PALD1: variants seen among roughly 807,000 people sequenced by gnomAD.
PALD1 encodes the protein paladin.
In PALD1, 57 loss-of-function variants were observed where a neutral mutation model predicts 96.0. That is an observed-to-expected ratio of 0.59 (90% CI 0.48 to 0.74). The LOEUF is 0.74. Ranked by LOEUF, PALD1 falls within the 30% of genes least tolerant of loss-of-function variation. PALD1 has a pLI of 0.00. For missense variants in PALD1, 1,063 were observed against 1,143.7 expected (o/e 0.93, Z 1.02); for synonymous variants, 464 against 473.6 (o/e 0.98, Z 0.26).
intron 1 of PALD1, among the ~76,000 whole-genome samples, chr10:70,523,743 G>A (rs765677134): frequency 1.3e-5 from 2 of 152,152 alleles, no homozygotes; most frequent in Non-Finnish European, 2.9e-5. Flanking sequence ...AGTTTTCAAG[G>A]GTGACAGGCG....
At position 70,533,902 on chromosome 10, in the gene PALD1, A is replaced by G; in HGVS notation, c.871-20A>G. 6.4e-7 allele frequency: 1 copy of G among 1,560,354 alleles called. No individual in the cohort carries two copies. Among genetic ancestry groups the G allele is most frequent in the Non-Finnish European group, 8.7e-7 (1 of 1,150,158 alleles). On this transcript the variant is annotated intron_variant, in intron 7 of 19. Coordinates refer to ENST00000263563, the MANE Select transcript of PALD1 (RefSeq NM_014431.3). Reference sequence around the variant, plus strand: ...GGTTTCCTGGTCTCACTGGGGCCTGATCCTCATGGTCTTTCCCAGGAGACC... The same window carrying G: ...GGTTTCCTGGTCTCACTGGGGCCTGGTCCTCATGGTCTTTCCCAGGAGACC...
At position 70,566,962 on chromosome 10, in the gene PALD1, G is replaced by A. The variant is rs1248881328; in HGVS notation, c.*229G>A. ...ACCAAGGTGTGTGGCTGACCTCCAG[G>A]GAGGAGCACTCACTGGAGTGCTCAC... On this transcript the variant is annotated 3_prime_UTR_variant, in exon 20 of 20. Coordinates refer to ENST00000263563, the MANE Select transcript of PALD1 (RefSeq NM_014431.3). The A allele has an allele frequency of 3.8e-6, 2 of 529,388 alleles. No homozygotes were observed. Among genetic ancestry groups the A allele is most frequent in the Non-Finnish European group, 6.7e-6 (2 of 300,502 alleles). 32.8% of individuals were successfully genotyped at this position (529,388 alleles called of 1,614,324 possible). A position where few individuals can be genotyped will look rare whatever the true frequency, so the allele number is the denominator to read the frequency against.
Position 70,529,235 on chromosome 10 carries a change from C to T in PALD1, c.192C>T (p.Asn64=). ...CCCCCCCCCCCCCCCCCAGGTACAA[C>T]TGCAAGGAGGAGTTCCAGATCCATG... The part of the protein sequence containing the change: ...NKVAPVVITY[N]CKEEFQIHDE... Residue 64 remains asparagine, a synonymous_variant, in exon 3 of 20, where the codon AAC becomes AAT. Transcript: ENST00000263563. 1.3e-6 allele frequency: 1 copy of T among 771,026 alleles called. No homozygotes were observed. Among genetic ancestry groups the T allele is most frequent in the Non-Finnish European group, 2.0e-6 (1 of 494,792 alleles). 47.8% of individuals were successfully genotyped at this position (771,026 alleles called of 1,614,324 possible).
At chr10:70,564,287 G>T in intron 18 of PALD1, 77 bp from the exon 19 acceptor site, 4 of 1,464,230 alleles carry the variant, frequency 2.7e-6, no homozygotes, top group Middle Eastern at 2.2e-4. Context: ...CTGGCACTCA[G>T]GGCAGCAGGG....
chr10:70,534,937 CTT>C (rs1847078791), intron 10 of PALD1, 94 bp downstream of exon 10: 1 of 843,890 alleles, frequency 1.2e-6, no homozygotes, highest in South Asian at 1.5e-5. Flanking sequence ...TTCAGACTGA[CTT>C]TTTCTGGCTG....
At chr10:70,458,927 G>C in the PALD1 span, among the ~76,000 whole-genome samples, 1 of 152,208 alleles carries the variant, frequency 6.6e-6, no homozygotes, top group Non-Finnish European at 1.5e-5. Flanking sequence ...CTGGTGCGTG[G>C]GCAGGAGAGT....
Position 70,527,887 on chromosome 10 carries a change from C to G in PALD1, c.186-1342C>G, listed in dbSNP as rs1846902434. 2.0e-5 allele frequency among the ~76,000 whole-genome samples: 3 copies of G among 152,304 alleles called. No homozygotes were observed. The South Asian group carries it at 6.2e-4, about 32-fold the overall frequency. On this transcript the variant is annotated intron_variant, in intron 2 of 19. Transcript: ENST00000263563. ...TGTTGGTGTGCCGCACCCACCAACC[C>G]ACCATCCACGTCAGGCATATCTCCC...
intron 18 of PALD1, among the ~76,000 whole-genome samples, chr10:70,561,692 C>G (rs1847740507): frequency 1.3e-5 from 2 of 152,288 alleles, no homozygotes; most frequent in South Asian, 4.1e-4. Flanking sequence ...GGCTTGGCCT[C>G]CATACCCACT....
the PALD1 span, among the ~76,000 whole-genome samples, chr10:70,470,497 T>G: frequency 5.8e-5 from 5 of 86,808 alleles, no homozygotes; most frequent in East Asian, 1.8e-3. Context: ...GTTGACTGTG[T>G]GTATACAAGC....
intron 1 of PALD1, among the ~76,000 whole-genome samples, chr10:70,512,367 CAG>C (rs1196530578): frequency 6.6e-6 from 1 of 152,224 alleles, no homozygotes; most frequent in East Asian, 1.9e-4. Flanking sequence ...GAGTCTCTCA[CAG>C]AGAGATTTCC....
intron 1 of PALD1, among the ~76,000 whole-genome samples, chr10:70,517,672 T>C (rs1277339178): frequency 2.0e-5 from 3 of 151,976 alleles, no homozygotes; most frequent in Admixed American, 1.3e-4. Context: ...CATTGGCAAA[T>C]GTACGCCGTT....
At chr10:70,555,872 T>G (rs10999394) in intron 18 of PALD1, among the ~76,000 whole-genome samples, 80,321 of 151,612 alleles carry the variant, frequency 0.53, 22,131 homozygotes, top group Middle Eastern at 0.7. Flanking sequence ...GAGGTGGCGG[T>G]CACCTGTAGT....
intron 18 of PALD1, among the ~76,000 whole-genome samples, chr10:70,557,807 G>A (rs1352635599): frequency 3.9e-5 from 6 of 152,082 alleles, no homozygotes. Context: ...GTTTCTTTCT[G>A]TTGAGTGGGT....
intron 17 of PALD1, among the ~76,000 whole-genome samples, chr10:70,545,954 C>G (rs989039007): frequency 6.6e-6 from 1 of 152,010 alleles, no homozygotes; most frequent in Non-Finnish European, 1.5e-5. Flanking sequence ...ATAAGCACCT[C>G]GACCAGGCGT....
chr10:70,548,740 A>G (rs1343554248), intron 18 of PALD1, among the ~76,000 whole-genome samples: 3 of 152,198 alleles, frequency 2.0e-5, no homozygotes, highest in Non-Finnish European at 4.4e-5. Context: ...GCTCGGCTGT[A>G]GCTGTGCACA....
intron 1 of PALD1, among the ~76,000 whole-genome samples, chr10:70,490,331 CCCT>C (rs1190228803): frequency 6.6e-6 from 1 of 152,154 alleles, no homozygotes; most frequent in Non-Finnish European, 1.5e-5. Context: ...AGGTGATCCT[CCCT>C]CCTCAGTCTC....
chr10:70,537,429 T>C (rs775112607), intron 10 of PALD1, among the ~76,000 whole-genome samples: 1 of 152,214 alleles, frequency 6.6e-6, no homozygotes, highest in Non-Finnish European at 1.5e-5. Flanking sequence ...AGGGAGGGCC[T>C]CTGGCTCGGG....
intron 18 of PALD1, among the ~76,000 whole-genome samples, chr10:70,563,699 T>C (rs921738394): frequency 1.3e-5 from 2 of 152,208 alleles, no homozygotes; most frequent in East Asian, 3.9e-4. Context: ...TAGGGACCTT[T>C]GGGCTCAGAG....
intron 1 of PALD1, among the ~76,000 whole-genome samples, chr10:70,495,726 C>T (rs879745040): frequency 1.1e-4 from 16 of 151,492 alleles, no homozygotes; most frequent in Middle Eastern, 3.4e-3. Flanking sequence ...TCTGGCAGGC[C>T]GGGTGTGGTG....
Sources: gnomAD v4.1 joint callset for allele counts (sites outside exome capture counted in the v4.1 genomes callset) on GRCh38, gnomAD v4.1.1 for gene constraint, MANE v1.5 for transcripts, NCBI Gene and HGNC (gene_info 2026-07-23, HGNC 2026-07-21) for gene names.